ERBB4: variants seen among roughly 807,000 people sequenced by gnomAD.
The protein encoded by ERBB4 is erb-b2 receptor tyrosine kinase 4, also known as receptor tyrosine-protein kinase erbB-4.
In ERBB4, 42 loss-of-function variants were observed where a neutral mutation model predicts 158.0. The ratio of observed to expected loss-of-function variants is 0.27; its 90% confidence interval spans 0.21 to 0.34. The LOEUF is 0.34. Ranked by LOEUF, ERBB4 falls within the 10% of genes least tolerant of loss-of-function variation. The pLI, the probability that ERBB4 is intolerant of heterozygous loss-of-function variation, is 1.00. For synonymous variants in ERBB4, 583 were observed against 558.7 expected (o/e 1.04, Z -0.61); for missense variants, 1,333 against 1,624.1 (o/e 0.82, Z 3.08).
rs899469698 is a variant in ERBB4 at position 211,375,720 on chromosome 2, G to A, written c.*7895C>T. 9 of 225,210 alleles carry A rather than the reference G, an allele frequency of 4.0e-5. No homozygotes were observed. Among genetic ancestry groups the A allele is most frequent in the Admixed American group, 5.7e-5 (1 of 17,480 alleles). 14.0% of individuals were successfully genotyped at this position (225,210 alleles called of 1,614,324 possible). A position where few individuals can be genotyped will look rare whatever the true frequency, so the allele number is the denominator to read the frequency against. Reference sequence around the variant, plus strand: ...ACAAATTTCTGACACAAAAGAGAACGTTTGTTTCATATTTTATTGAATTTC... The same window carrying A: ...ACAAATTTCTGACACAAAAGAGAACATTTGTTTCATATTTTATTGAATTTC... On this transcript the variant is annotated 3_prime_UTR_variant, in exon 28 of 28. Coordinates refer to ENST00000342788, the MANE Select transcript of ERBB4 (RefSeq NM_005235.3).
Position 212,152,832 on chromosome 2 carries a change from C to T in ERBB4, c.83-27929G>A, listed in dbSNP as rs187194674. On this transcript the variant is annotated intron_variant, in intron 1 of 27. Transcript: ENST00000342788. ...AATGACCACCAATAGCACTTAGCTA[C>T]TCCAGGAAGAATGCTGAGTTATGAC... is the stretch of plus-strand genomic sequence containing the variant. 4.1e-4 allele frequency among the ~76,000 whole-genome samples: 62 copies of T among 152,282 alleles called. 2 individuals carry two copies. In the South Asian group the frequency reaches 6.2e-3, roughly 15 times the overall value.
chr2:212,357,841 G>A (rs1036090187), intron 1 of ERBB4, among the ~76,000 whole-genome samples: 2 of 151,906 alleles, frequency 1.3e-5, no homozygotes, highest in African/African-American at 4.8e-5. Flanking sequence ...GGGGGACAAA[G>A]TATCCTTTCT....
intron 1 of ERBB4, among the ~76,000 whole-genome samples, chr2:212,245,090 CTG>C (rs1377077084): frequency 6.6e-6 from 1 of 152,030 alleles, no homozygotes; most frequent in Non-Finnish European, 1.5e-5. Context: ...TTCAGTAAAA[CTG>C]TGCTTTAAAA....
chr2:212,511,400 C>T (rs536287890), intron 1 of ERBB4, among the ~76,000 whole-genome samples: 2 of 152,264 alleles, frequency 1.3e-5, no homozygotes, highest in South Asian at 4.1e-4. Flanking sequence ...AAAATGGGCA[C>T]ATCCAAAGAA....
chr2:212,260,192 T>C (rs2084887875), intron 1 of ERBB4, among the ~76,000 whole-genome samples: 1 of 152,164 alleles, frequency 6.6e-6, no homozygotes, highest in African/African-American at 2.4e-5. Flanking sequence ...TACTTGTTTT[T>C]AAATGAAACT....
chr2:211,799,722 A>G (rs1349904560), intron 3 of ERBB4, among the ~76,000 whole-genome samples: 1 of 152,170 alleles, frequency 6.6e-6, no homozygotes, highest in East Asian at 1.9e-4. Flanking sequence ...ATGAGTTATC[A>G]TATGTATATG....
intron 2 of ERBB4, among the ~76,000 whole-genome samples, chr2:212,094,954 G>A (rs147615707): frequency 4.6e-4 from 70 of 152,138 alleles, no homozygotes; most frequent in Non-Finnish European, 7.4e-4. Flanking sequence ...TTAGAAAATA[G>A]GGCAGAAAGT....
chr2:212,203,177 T>C (rs912138632), intron 1 of ERBB4, among the ~76,000 whole-genome samples: 1 of 151,866 alleles, frequency 6.6e-6, no homozygotes, highest in Non-Finnish European at 1.5e-5. Context: ...GGAGAACAAA[T>C]GGGAGAAGAG....
intron 2 of ERBB4, among the ~76,000 whole-genome samples, chr2:212,089,172 A>G (rs2078701500): frequency 6.6e-6 from 1 of 152,170 alleles, no homozygotes; most frequent in South Asian, 2.1e-4. Context: ...CACATTTTGT[A>G]TCAATTAAAA....
intron 1 of ERBB4, among the ~76,000 whole-genome samples, chr2:212,258,347 C>T (rs2084814756): frequency 6.6e-6 from 1 of 151,490 alleles, no homozygotes; most frequent in South Asian, 2.1e-4. Context: ...TTTAAAAATT[C>T]AAACTTGGTT....
rs1289458203 is a variant in ERBB4 at position 211,841,191 on chromosome 2, A to G, written c.422-53032T>C. ...TATAATTTCAAGGCTGGAAAACTGA[A>G]GTTGCCACTATAGTTAGATAAATGT... is the stretch of plus-strand genomic sequence containing the variant. On this transcript the variant is annotated intron_variant, in intron 3 of 27. Transcript: ENST00000342788. 5.9e-5 allele frequency among the ~76,000 whole-genome samples: 9 copies of G among 152,200 alleles called. No individual in the cohort carries two copies. The South Asian group carries it at 1.4e-3, about 25-fold the overall frequency.
intron 1 of ERBB4, among the ~76,000 whole-genome samples, chr2:212,176,046 T>C (rs2125680698): frequency 6.6e-6 from 1 of 152,136 alleles, no homozygotes; most frequent in African/African-American, 2.4e-5. Context: ...ATTTCCCTAC[T>C]TAAAATCATG....
At position 211,630,281 on chromosome 2, in the gene ERBB4, T is replaced by G. The variant is rs184337790; in HGVS notation, c.2079+181A>C. 1.7e-3 allele frequency among the ~76,000 whole-genome samples: 256 copies of G among 152,342 alleles called. 1 individual carries two copies. The highest frequency in any genetic ancestry group is 5.3e-3 in the African/African-American group (221 of 41,586). ...CACTCCCATCTACCCCCTTGAAGCC[T>G]TGACTATTTTTACAACATAATCTGA... is the stretch of plus-strand genomic sequence containing the variant. On this transcript the variant is annotated intron_variant, in intron 17 of 27. Transcript: ENST00000342788.
intron 1 of ERBB4, among the ~76,000 whole-genome samples, chr2:212,191,728 GTGTTATACATGTTA>G (rs2082230258): frequency 1.4e-5 from 2 of 143,438 alleles, no homozygotes; most frequent in East Asian, 2.0e-4. Context: ...CATATAACAC[GTGTTATACATGTTA>G]CATATAACAC....
At chr2:212,073,055 A>C (rs958976825) in intron 2 of ERBB4, among the ~76,000 whole-genome samples, 2 of 151,926 alleles carry the variant, frequency 1.3e-5, no homozygotes, top group African/African-American at 4.8e-5. Flanking sequence ...AAAGTAGGAA[A>C]ATGGGAAATT....
intron 1 of ERBB4, among the ~76,000 whole-genome samples, chr2:212,465,115 G>C (rs942417767): frequency 1.3e-5 from 2 of 152,064 alleles, no homozygotes; most frequent in Non-Finnish European, 2.9e-5. Flanking sequence ...AATTAGCCCA[G>C]GAGGCTAGGA....
At chr2:212,090,403 C>T (rs959669831) in intron 2 of ERBB4, among the ~76,000 whole-genome samples, 1 of 152,034 alleles carries the variant, frequency 6.6e-6, no homozygotes, top group South Asian at 2.1e-4. Flanking sequence ...ACTTTCATGG[C>T]TCTATTTCTC....
intron 1 of ERBB4, among the ~76,000 whole-genome samples, chr2:212,434,056 G>T (rs2092085738): frequency 6.6e-6 from 1 of 151,960 alleles, no homozygotes; most frequent in African/African-American, 2.4e-5. Context: ...TTATGTTCCA[G>T]TTCCTGTACA....
At chr2:211,715,751 G>T (rs996826347) in intron 7 of ERBB4, among the ~76,000 whole-genome samples, 1 of 152,142 alleles carries the variant, frequency 6.6e-6, no homozygotes, top group Non-Finnish European at 1.5e-5. Context: ...GTGATTGAAA[G>T]TTTCCTGAGC....
Sources: gnomAD v4.1 joint callset for allele counts (sites outside exome capture counted in the v4.1 genomes callset) on GRCh38, gnomAD v4.1.1 for gene constraint, MANE v1.5 for transcripts, NCBI Gene and HGNC (gene_info 2026-07-23, HGNC 2026-07-21) for gene names.